The following TLN2 variants were observed in gnomAD, a reference collection of about 807,000 sequenced individuals.
The protein encoded by TLN2 is talin-2.
TLN2 carries 118 observed loss-of-function variants against 294.7 expected under a neutral mutation model. The ratio of observed to expected loss-of-function variants is 0.40; its 90% CI spans 0.34 to 0.47. TLN2 has a LOEUF of 0.47. TLN2 is among the 20% of genes least tolerant of loss of function. TLN2 has a pLI of 0.84. For synonymous variants in TLN2, 1,431 were observed against 1,304.5 expected (o/e 1.10, Z -2.09); for missense variants, 3,083 against 3,282.2 (o/e 0.94, Z 1.48).
chr15:62,468,977 T>A (rs567860323), intron 1 of TLN2, among the ~76,000 whole-genome samples: 1 of 152,302 alleles, frequency 6.6e-6, no homozygotes, highest in South Asian at 2.1e-4. Context: ...TGTAACCATT[T>A]GTCAACAATT....
chr15:62,828,617 C>G (rs751956157), intron 54 of TLN2: 1 of 152,226 alleles, frequency 6.6e-6, no homozygotes, highest in African/African-American at 2.4e-5. Context: ...CAATTAACAA[C>G]TCAAGGCCTC....
chr15:62,407,232 G>A (rs1216157451), intron 1 of TLN2, among the ~76,000 whole-genome samples: 1 of 152,094 alleles, frequency 6.6e-6, no homozygotes, highest in East Asian at 1.9e-4. Flanking sequence ...ATCCTGTGAG[G>A]TATTATTACT....
At chr15:62,463,632 T>A (rs1327934883) in intron 1 of TLN2, among the ~76,000 whole-genome samples, 1 of 152,158 alleles carries the variant, frequency 6.6e-6, no homozygotes, top group Non-Finnish European at 1.5e-5. Flanking sequence ...ACGCCTGTAA[T>A]CCCAGCACTT....
intron 1 of TLN2, among the ~76,000 whole-genome samples, chr15:62,479,320 T>A (rs553936542): frequency 6.6e-6 from 1 of 152,172 alleles, no homozygotes; most frequent in Non-Finnish European, 1.5e-5. Context: ...TGATTTTATT[T>A]TGCAGAGTTG....
At position 62,694,318 on chromosome 15, in the gene TLN2, A is replaced by G. The variant is rs900993286; in HGVS notation, c.1218A>G (p.Lys406=). 4.3e-6 allele frequency: 7 copies of G among 1,613,902 alleles called. No homozygotes were observed. Among genetic ancestry groups the G allele is most frequent in the Non-Finnish European group, 5.1e-6 (6 of 1,179,952 alleles). Residue 406 remains lysine, a splice_region_variant and synonymous_variant, in exon 14 of 59, where the codon AAA becomes AAG. Coordinates refer to ENST00000636159, the MANE Select transcript of TLN2 (RefSeq NM_015059.3). ...AGYIDIILKK[K]QSKDRFGLEG... ...ATCTTGTTTTATTGCATTTCCAGAA[A>G]CAAAGTAAAGATCGATTTGGACTAG... is the stretch of plus-strand genomic sequence containing the variant.
At chr15:62,788,881 A>G (rs544678391) in intron 45 of TLN2, among the ~76,000 whole-genome samples, 3 of 152,254 alleles carry the variant, frequency 2.0e-5, no homozygotes, top group African/African-American at 7.2e-5. Context: ...AGCCCCCAGA[A>G]TGGGACATAG....
intron 1 of TLN2, among the ~76,000 whole-genome samples, chr15:62,418,223 C>T (rs1014008047): frequency 6.6e-6 from 1 of 152,142 alleles, no homozygotes; most frequent in African/African-American, 2.4e-5. Flanking sequence ...GAATCTGCCT[C>T]CCCCGCTTTC....
At chr15:62,430,981 G>C (rs2034981369) in intron 1 of TLN2, among the ~76,000 whole-genome samples, 1 of 151,620 alleles carries the variant, frequency 6.6e-6, no homozygotes, top group Non-Finnish European at 1.5e-5. Flanking sequence ...CAGGATGATA[G>C]TAATAATTTG....
At chr15:62,712,160 T>G (rs746939595) in intron 22 of TLN2, 83 bp downstream of exon 22, 1 of 1,518,330 alleles carries the variant, frequency 6.6e-7, no homozygotes. Context: ...TGGGGCATGG[T>G]CATCCGAGTG....
At chr15:62,440,484 G>A (rs1348250963) in intron 1 of TLN2, among the ~76,000 whole-genome samples, 1 of 152,128 alleles carries the variant, frequency 6.6e-6, no homozygotes, top group Non-Finnish European at 1.5e-5. Context: ...CAACCAAATG[G>A]CAGAGCATTT....
chr15:62,723,539 T>C (rs908381732), intron 26 of TLN2, among the ~76,000 whole-genome samples: 6 of 1,126 alleles, frequency 5.3e-3, no homozygotes, highest in African/African-American at 9.7e-3. Flanking sequence ...CTGTGAAAAC[T>C]TTTTTTTTTT....
At position 62,843,385 on chromosome 15, in the gene TLN2, G is replaced by A. The variant is rs972315493; in HGVS notation, c.*2775G>A. The A allele has an allele frequency of 6.6e-5, 10 of 152,220 alleles. No individual in the cohort carries two copies. The highest frequency in any genetic ancestry group is 1.2e-4 in the Non-Finnish European group (8 of 68,052). The allele number at this position is 152,220 out of a possible 1,614,324, so 9.4% of individuals were successfully genotyped here. On this transcript the variant is annotated 3_prime_UTR_variant, in exon 59 of 59. Coordinates refer to ENST00000636159, the MANE Select transcript of TLN2 (RefSeq NM_015059.3). ...GATAGGGATGCTGAGGTCATATTTA[G>A]TTCAATGAACAGCCCTTGTTTAAGT...
intron 32 of TLN2, among the ~76,000 whole-genome samples, chr15:62,742,835 G>A (rs2061417156): frequency 6.6e-6 from 1 of 152,198 alleles, no homozygotes; most frequent in Non-Finnish European, 1.5e-5. Context: ...CCCTGGGGCT[G>A]TTTCTCAGCA....
At chr15:62,617,558 T>G (rs1046005638) in intron 2 of TLN2, among the ~76,000 whole-genome samples, 6 of 152,156 alleles carry the variant, frequency 3.9e-5, no homozygotes, top group African/African-American at 1.4e-4. Context: ...CTCCAGCCTC[T>G]CTGAGCTCCC....
At chr15:62,436,042 T>C (rs958015778) in intron 1 of TLN2, among the ~76,000 whole-genome samples, 1 of 152,256 alleles carries the variant, frequency 6.6e-6, no homozygotes, top group Admixed American at 6.5e-5. Flanking sequence ...AGGATGTTTC[T>C]TGTGCCTACT....
At chr15:62,798,918 G>C (rs991027947) in intron 48 of TLN2, among the ~76,000 whole-genome samples, 3 of 152,236 alleles carry the variant, frequency 2.0e-5, no homozygotes, top group African/African-American at 7.2e-5. Context: ...CGCTACAGGT[G>C]GTGGGTGCCT....
intron 1 of TLN2, among the ~76,000 whole-genome samples, chr15:62,521,293 TG>T (rs1461167813): frequency 1.3e-5 from 2 of 151,450 alleles, no homozygotes; most frequent in Non-Finnish European, 2.9e-5. Flanking sequence ...GCCGTGAGGG[TG>T]GGGGGTACAG....
chr15:62,601,986 G>C (rs1333816547), intron 2 of TLN2, among the ~76,000 whole-genome samples: 1 of 152,150 alleles, frequency 6.6e-6, no homozygotes, highest in Non-Finnish European at 1.5e-5. Flanking sequence ...GAGATCAAAT[G>C]TTACAGGATT....
intron 37 of TLN2, among the ~76,000 whole-genome samples, chr15:62,757,938 A>G (rs1160957454): frequency 2.0e-5 from 3 of 152,200 alleles, no homozygotes; most frequent in African/African-American, 4.8e-5. Flanking sequence ...ACTGTAGCAC[A>G]TGGTACTATA....
Sources: gnomAD v4.1 joint callset for allele counts (sites outside exome capture counted in the v4.1 genomes callset) on GRCh38, gnomAD v4.1.1 for gene constraint, MANE v1.5 for transcripts, NCBI Gene and HGNC (gene_info 2026-07-23, HGNC 2026-07-21) for gene names.